PACSIN2: variants seen among roughly 807,000 people sequenced by gnomAD.
The protein encoded by PACSIN2 is protein kinase C and casein kinase substrate in neurons protein 2.
PACSIN2 carries 25 observed loss-of-function variants against 63.8 expected under a neutral mutation model. The ratio of observed to expected loss-of-function variants is 0.39; its 90% CI spans 0.29 to 0.55. PACSIN2 has a LOEUF of 0.55. PACSIN2 is among the 20% of genes least tolerant of loss of function. The pLI, the probability that PACSIN2 is intolerant of heterozygous loss-of-function variation, is 0.62. For missense variants in PACSIN2, 518 were observed against 646.9 expected (o/e 0.80, Z 2.16); for synonymous variants, 255 against 256.2 (o/e 1.00, Z 0.05).
intron 1 of PACSIN2, among the ~76,000 whole-genome samples, chr22:42,953,672 T>C (rs150256030): frequency 2.6e-4 from 40 of 152,342 alleles, no homozygotes; most frequent in African/African-American, 9.6e-4. Context: ...CTTCATTTTA[T>C]AGCTGAAGAA....
Position 42,993,186 on chromosome 22 carries a change from G to A in PACSIN2, c.-78+21835C>T, listed in dbSNP as rs565294667. On this transcript the variant is annotated intron_variant, in intron 1 of 10. Transcript: ENST00000263246. ...AGACTCCATCTCAAAAAAAAAAAAG[G>A]AAGAAGAAGAATACATAGAATACAT... Among the ~76,000 whole-genome samples, 3 of 151,870 alleles carry A rather than the reference G, an allele frequency of 2.0e-5. No homozygotes were observed. In the East Asian group the frequency reaches 5.8e-4, roughly 29 times the overall value.
chr22:42,871,930 G>C lies in PACSIN2; in HGVS notation c.1349-461C>G, dbSNP rs11704661. Among the ~76,000 whole-genome samples, 1 of 81,484 alleles carries C rather than the reference G, an allele frequency of 1.2e-5. No homozygotes were observed. Among genetic ancestry groups the C allele is most frequent in the South Asian group, 3.4e-4 (1 of 2,948 alleles). 53.5% of individuals were successfully genotyped at this position (81,484 alleles called of 152,430 possible). On this transcript the variant is annotated intron_variant, in intron 10 of 10. Coordinates refer to ENST00000263246, the MANE Select transcript of PACSIN2 (RefSeq NM_001184970.3). This position sits in a 1 kb window ranked among gnomAD's most constrained non-coding sequence, Gnocchi z 5.4. ...TAATCCCTCTCCTCTGCAACTTCCA[G>C]GCTGCGAGGGGAAGGGACCATGTCT... is the stretch of plus-strand genomic sequence containing the variant.
chr22:42,961,250 A>G (rs1010079861), intron 1 of PACSIN2, among the ~76,000 whole-genome samples: 6 of 152,382 alleles, frequency 3.9e-5, no homozygotes, highest in Admixed American at 3.3e-4. Flanking sequence ...GTCTTACCTT[A>G]TAACACAAAA....
intron 2 of PACSIN2, among the ~76,000 whole-genome samples, chr22:42,894,629 C>T (rs1421977552): frequency 1.3e-5 from 2 of 152,020 alleles, no homozygotes; most frequent in African/African-American, 2.4e-5. Context: ...TGCCTTTTTT[C>T]GTATATGAAA....
At chr22:42,912,268 G>C (rs778857148) in intron 1 of PACSIN2, 111 bp from the exon 2 acceptor site, 1 of 535,960 alleles carries the variant, frequency 1.9e-6, no homozygotes. Flanking sequence ...AGTACAGGGC[G>C]GTCTATAATA....
At chr22:42,882,397 C>CT (rs34091670) in intron 6 of PACSIN2, 93 bp from the exon 7 acceptor site, 2 of 1,422,532 alleles carry the variant, frequency 1.4e-6, no homozygotes, top group African/African-American at 2.8e-5. Flanking sequence ...CCCGTGGTCT[C>CT]TGCCCTCTGT....
chr22:42,986,321 C>A (rs1922607151), intron 1 of PACSIN2, among the ~76,000 whole-genome samples: 1 of 152,202 alleles, frequency 6.6e-6, no homozygotes. Context: ...CTGGTAAGCA[C>A]CCTGGCTGTT....
intron 1 of PACSIN2, among the ~76,000 whole-genome samples, chr22:42,964,734 A>C (rs527308132): frequency 1.3e-5 from 2 of 152,276 alleles, no homozygotes; most frequent in East Asian, 3.9e-4. Context: ...AAAGTTAGAC[A>C]AAAGACCAAA....
At chr22:42,909,887 C>G (rs1462662674) in intron 2 of PACSIN2, among the ~76,000 whole-genome samples, 1 of 152,218 alleles carries the variant, frequency 6.6e-6, no homozygotes, top group Non-Finnish European at 1.5e-5. Flanking sequence ...ACCGCAGGAA[C>G]AGACATTGAC....
At chr22:42,954,162 C>A (rs528951017) in intron 1 of PACSIN2, among the ~76,000 whole-genome samples, 2 of 152,144 alleles carry the variant, frequency 1.3e-5, no homozygotes, top group Admixed American at 1.3e-4. Context: ...ACTTGGGAGG[C>A]TGAGGCAAGA....
intron 1 of PACSIN2, among the ~76,000 whole-genome samples, chr22:42,951,845 G>A (rs1424221913): frequency 1.3e-5 from 2 of 148,580 alleles, no homozygotes; most frequent in African/African-American, 2.6e-5. Context: ...CGCCAGTCTC[G>A]CTCCTTCCAA....
chr22:43,008,602 ACT>A (rs774862158), intron 1 of PACSIN2, among the ~76,000 whole-genome samples: 46 of 152,150 alleles, frequency 3.0e-4, no homozygotes, highest in African/African-American at 1.1e-3. Context: ...CAGAATGTGT[ACT>A]CTTTCAATAA....
chr22:42,888,638 T>G lies in PACSIN2; in HGVS notation c.609+5A>C. The G allele has an allele frequency of 6.2e-7, 1 of 1,614,098 alleles. No individual in the cohort carries two copies. The highest frequency in any genetic ancestry group is 1.1e-5 in the South Asian group (1 of 91,086). ...TCGACGTGTAAAAACAAGTGTACAG[T>G]TTACCTTAAGAACATCTTGCTTGCA... is the stretch of plus-strand genomic sequence containing the variant. On this transcript the variant is annotated splice_donor_5th_base_variant and intron_variant, in intron 5 of 10. Transcript: ENST00000263246.
intron 8 of PACSIN2, among the ~76,000 whole-genome samples, chr22:42,877,306 T>A (rs1024308404): frequency 1.3e-5 from 2 of 152,116 alleles, no homozygotes; most frequent in African/African-American, 4.8e-5. Context: ...AAGCCACAGC[T>A]GGAGCAAAAG....
chr22:42,876,685 G>A (rs1928656889), intron 9 of PACSIN2, among the ~76,000 whole-genome samples: 1 of 152,246 alleles, frequency 6.6e-6, no homozygotes, highest in African/African-American at 2.4e-5. Flanking sequence ...AAGATTGTTA[G>A]CTGTGCCCTC....
Position 43,009,366 on chromosome 22 carries a change from T to C in PACSIN2, c.-78+5655A>G, listed in dbSNP as rs77671338. ...CTTTGGAATGTGCATCTTCTATAAA[T>C]ACAAGTCATCATTATTATTAGCTCA... On this transcript the variant is annotated intron_variant, in intron 1 of 10. Coordinates refer to ENST00000263246, the MANE Select transcript of PACSIN2 (RefSeq NM_001184970.3). Among the ~76,000 whole-genome samples the C allele has an allele frequency of 4.3e-3, 650 of 152,346 alleles. 3 individuals are homozygous for C. The highest frequency in any genetic ancestry group is 0.015 in the African/African-American group (614 of 41,584).
intron 2 of PACSIN2, among the ~76,000 whole-genome samples, chr22:42,894,574 C>T (rs1930146686): frequency 6.6e-6 from 1 of 152,346 alleles, no homozygotes; most frequent in Middle Eastern, 3.4e-3. Flanking sequence ...CCAAGTAGGA[C>T]TGTCTTGATG....
At chr22:42,979,184 A>G (rs779728755) in intron 1 of PACSIN2, among the ~76,000 whole-genome samples, 10 of 152,190 alleles carry the variant, frequency 6.6e-5, no homozygotes, top group South Asian at 6.2e-4. Context: ...CCAAGGCCCA[A>G]TGATGGTTCA....
chr22:42,949,057 T>A (rs2013035), intron 1 of PACSIN2, among the ~76,000 whole-genome samples: 1 of 152,174 alleles, frequency 6.6e-6, no homozygotes, highest in Non-Finnish European at 1.5e-5. Flanking sequence ...CTTTGGGAGG[T>A]GGAGGTGGAA....
Sources: gnomAD v4.1 joint callset for allele counts (sites outside exome capture counted in the v4.1 genomes callset) on GRCh38, gnomAD v4.1.1 for gene constraint, Gnocchi (gnomAD v3.1) non-coding constraint, MANE v1.5 for transcripts, NCBI Gene and HGNC (gene_info 2026-07-23, HGNC 2026-07-21) for gene names.